CNTN1: variants seen among roughly 807,000 people sequenced by gnomAD.
The protein encoded by CNTN1 is contactin 1.
A neutral mutation model predicts 126.4 loss-of-function variants in CNTN1; 38 were observed. The observed-to-expected ratio is 0.30, with a 90% CI of 0.23 to 0.39. The LOEUF (loss-of-function observed/expected upper bound fraction) is 0.39. CNTN1 is among the 10% of genes least tolerant of loss of function. CNTN1 has a pLI of 1.00. For synonymous variants in CNTN1, 413 were observed against 422.6 expected (o/e 0.98, Z 0.28); for missense variants, 1,009 against 1,248.4 (o/e 0.81, Z 2.89).
At chr12:40,867,456 A>T (rs1336314797) in intron 1 of CNTN1, among the ~76,000 whole-genome samples, 2 of 152,216 alleles carry the variant, frequency 1.3e-5, no homozygotes, top group Non-Finnish European at 2.9e-5. Flanking sequence ...GTTAATAACA[A>T]TGTATTGTAT....
chr12:40,972,642 T>A, intron 15 of CNTN1: 1 of 941,742 alleles, frequency 1.1e-6, no homozygotes, highest in African/African-American at 1.8e-5. Flanking sequence ...ACTTATTTCC[T>A]TCTTTTATAT....
chr12:41,045,857 C>T (rs1349631556), intron 23 of CNTN1, among the ~76,000 whole-genome samples: 4 of 152,128 alleles, frequency 2.6e-5, no homozygotes, highest in Admixed American at 2.0e-4. Flanking sequence ...TCTTCTATAA[C>T]CTTCCATTTT....
intron 7 of CNTN1, 22 bp downstream of exon 7, chr12:40,930,024 C>G: frequency 2.5e-6 from 4 of 1,571,484 alleles, no homozygotes; most frequent in Non-Finnish European, 3.5e-6. Context: ...ATTTGTTACA[C>G]TCTGTTTTCG....
chr12:41,006,057 C>A (rs561967659), intron 17 of CNTN1, among the ~76,000 whole-genome samples: 1 of 152,286 alleles, frequency 6.6e-6, no homozygotes, highest in East Asian at 1.9e-4. Flanking sequence ...GGCTTATCTA[C>A]CTTTAAGCTT....
chr12:40,917,785 G>A (rs1945297708), intron 3 of CNTN1, among the ~76,000 whole-genome samples: 1 of 152,114 alleles, frequency 6.6e-6, no homozygotes, highest in Non-Finnish European at 1.5e-5. Context: ...ATCCTGCTAT[G>A]AAGTGTCACT....
At chr12:40,889,141 G>C (rs572250746) in intron 1 of CNTN1, among the ~76,000 whole-genome samples, 1 of 152,302 alleles carries the variant, frequency 6.6e-6, no homozygotes, top group South Asian at 2.1e-4. Context: ...CTTCCTATCT[G>C]TATACCTGTA....
At chr12:40,770,859 T>G (rs184243211) in intron 1 of CNTN1, among the ~76,000 whole-genome samples, 1 of 152,176 alleles carries the variant, frequency 6.6e-6, no homozygotes, top group East Asian at 1.9e-4. Flanking sequence ...TGCAAAATAA[T>G]AAATATAAAA....
intron 1 of CNTN1, among the ~76,000 whole-genome samples, chr12:40,704,682 T>C (rs1022453175): frequency 1.3e-5 from 2 of 152,142 alleles, no homozygotes; most frequent in Non-Finnish European, 2.9e-5. Flanking sequence ...GTTATGGGGG[T>C]ATAAGAAATA....
intron 1 of CNTN1, among the ~76,000 whole-genome samples, chr12:40,819,317 G>T (rs73116774): frequency 0.022 from 3,411 of 152,228 alleles, 127 homozygotes; most frequent in African/African-American, 0.077. Context: ...AGAGACTGCG[G>T]CCACCCCTCT....
chr12:41,071,483 C>A lies in CNTN1; in HGVS notation c.*1448C>A, dbSNP rs910088977. Reference sequence around the variant, plus strand: ...GAGTTTATCTTTTTAGAAAGGACACCGTATAGGTTCGTAAAAAATATTTAC... The same window carrying A: ...GAGTTTATCTTTTTAGAAAGGACACAGTATAGGTTCGTAAAAAATATTTAC... On this transcript the variant is annotated 3_prime_UTR_variant, in exon 24 of 24. Coordinates refer to ENST00000551295, the MANE Select transcript of CNTN1 (RefSeq NM_001843.4). 1 of 151,948 alleles carries A rather than the reference C, an allele frequency of 6.6e-6. No individual in the cohort carries two copies. The highest frequency in any genetic ancestry group is 1.5e-5 in the Non-Finnish European group (1 of 67,980). The allele number at this position is 151,948 out of a possible 1,614,324, so 9.4% of individuals were successfully genotyped here. A position where few individuals can be genotyped will look rare whatever the true frequency, so the allele number is the denominator to read the frequency against.
intron 15 of CNTN1, among the ~76,000 whole-genome samples, chr12:40,978,288 G>A (rs992196466): frequency 4.6e-5 from 7 of 151,522 alleles, no homozygotes; most frequent in African/African-American, 1.7e-4. Context: ...TTTTTCTCAG[G>A]CATTTTTGGG....
At chr12:40,704,731 T>C (rs1282984149) in intron 1 of CNTN1, among the ~76,000 whole-genome samples, 1 of 152,186 alleles carries the variant, frequency 6.6e-6, no homozygotes, top group Non-Finnish European at 1.5e-5. Flanking sequence ...GGAAAAGATG[T>C]ACAGTAAAAC....
intron 6 of CNTN1, among the ~76,000 whole-genome samples, chr12:40,928,722 T>C (rs1462537145): frequency 6.6e-6 from 1 of 152,134 alleles, no homozygotes; most frequent in Non-Finnish European, 1.5e-5. Flanking sequence ...CAGGTTATTA[T>C]TCCCAATTAT....
At chr12:40,940,430 C>T (rs1051664763) in intron 12 of CNTN1, among the ~76,000 whole-genome samples, 2 of 152,022 alleles carry the variant, frequency 1.3e-5, no homozygotes, top group African/African-American at 4.8e-5. Context: ...AAGTCTTAAA[C>T]AAGGGAGGAC....
At chr12:40,705,426 T>C (rs1376960722) in intron 1 of CNTN1, among the ~76,000 whole-genome samples, 1 of 152,234 alleles carries the variant, frequency 6.6e-6, no homozygotes, top group Non-Finnish European at 1.5e-5. Context: ...GGGTAAGCGT[T>C]GTTGATGATG....
At chr12:40,852,918 C>G (rs556143720) in intron 1 of CNTN1, among the ~76,000 whole-genome samples, 17 of 150,978 alleles carry the variant, frequency 1.1e-4, no homozygotes, top group African/African-American at 4.1e-4. Flanking sequence ...AGAATTTGAT[C>G]TAGTATCTAC....
rs1182374596 is a variant in CNTN1, at chr12:40,893,863, T to G, written c.-76-14494T>G. The stretch of plus-strand genomic sequence containing the variant: ...TAAATTCTGGTCTTATTTATTCAAA[T>G]GTTTACCTAGTATCTCCACTTGAAT... On this transcript the variant is annotated intron_variant, in intron 1 of 23. Coordinates refer to ENST00000551295, the MANE Select transcript of CNTN1 (RefSeq NM_001843.4). Among the ~76,000 whole-genome samples the G allele has an allele frequency of 2.0e-5, 3 of 152,148 alleles. No homozygotes were observed. The South Asian group carries it at 6.2e-4, about 32-fold the overall frequency.
At chr12:40,894,001 T>C (rs1238144825) in intron 1 of CNTN1, among the ~76,000 whole-genome samples, 1 of 152,086 alleles carries the variant, frequency 6.6e-6, no homozygotes, top group Non-Finnish European at 1.5e-5. Context: ...TACACTCTAA[T>C]AGCCACCCCA....
intron 1 of CNTN1, among the ~76,000 whole-genome samples, chr12:40,843,607 C>T (rs539123248): frequency 2.0e-4 from 31 of 152,168 alleles, no homozygotes; most frequent in African/African-American, 5.3e-4. Flanking sequence ...GAATGGACTA[C>T]AATTAGGCAG....
Sources: allele counts gnomAD v4.1 joint callset (sites outside exome capture counted in the v4.1 genomes callset), GRCh38; gene constraint gnomAD v4.1.1; transcripts MANE v1.5; gene names NCBI Gene and HGNC (gene_info 2026-07-23, HGNC 2026-07-21).